The following TOP3A variants were observed in gnomAD, a reference collection of about 807,000 sequenced individuals.
TOP3A encodes the protein DNA topoisomerase 3-alpha.
TOP3A carries 64 observed loss-of-function variants against 111.3 expected under a neutral mutation model. That is an observed-to-expected ratio of 0.57 (90% CI 0.47 to 0.71). TOP3A has a LOEUF of 0.71. TOP3A is among the 30% of genes least tolerant of loss of function. TOP3A has a pLI of 0.00. For missense variants in TOP3A, 1,104 were observed against 1,285.0 expected, an observed-to-expected ratio of 0.86 and a Z score of 2.15; for synonymous variants, 484 against 485.1, an observed-to-expected ratio of 1.00 and a Z score of 0.03.
intron 13 of TOP3A, among the ~76,000 whole-genome samples, chr17:18,288,151 ATTTTTTTT>A (rs1295233051): frequency 1.6e-5 from 2 of 126,622 alleles, no homozygotes; most frequent in African/African-American, 6.1e-5. Flanking sequence ...ATATATATAA[ATTTTTTTT>A]TTTTTTTTTT....
chr17:18,274,484 G>A lies in TOP3A; in HGVS notation c.*318C>T, dbSNP rs1186813597. 2 of 206,046 alleles carry A rather than the reference G, an allele frequency of 9.7e-6. No homozygotes were observed. Among genetic ancestry groups the A allele is most frequent in the South Asian group, 1.5e-4 (1 of 6,538 alleles). 12.8% of individuals were successfully genotyped at this position (206,046 alleles called of 1,614,324 possible). The stretch of plus-strand genomic sequence containing the variant: ...GGAGCTTCTTCCTTTGGCACACAGT[G>A]GGCTTCAGCTGGGACTGCACCAATC... On this transcript the variant is annotated 3_prime_UTR_variant, in exon 19 of 19. Coordinates refer to ENST00000321105, the MANE Select transcript of TOP3A (RefSeq NM_004618.5).
intron 9 of TOP3A, among the ~76,000 whole-genome samples, chr17:18,295,583 T>C (rs1980746364): frequency 6.6e-6 from 1 of 151,778 alleles, no homozygotes; most frequent in Non-Finnish European, 1.5e-5. Flanking sequence ...TGCCTCAGCC[T>C]CCTGAGTAGC....
rs1324126395 is a variant in TOP3A at position 18,280,359 on chromosome 17, A to T, written c.2144+177T>A. 4.9e-6 allele frequency: 3 copies of T among 608,610 alleles called. No homozygotes were observed. The African/African-American group carries it at 5.6e-5, about 11-fold the overall frequency. 37.7% of individuals were successfully genotyped at this position (608,610 alleles called of 1,614,324 possible). A position where few individuals can be genotyped will look rare whatever the true frequency, so the allele number is the denominator to read the frequency against. ...GGGTCATACCTGCCAAAGCAGTGAC[A>T]GCATGGAACACAACAGAACTGGACC... is the stretch of plus-strand genomic sequence containing the variant. On this transcript the variant is annotated intron_variant, in intron 17 of 18. Transcript: ENST00000321105.
chr17:18,314,630 G>C lies in TOP3A; in HGVS notation c.149C>G (p.Ala50Gly), dbSNP rs551758837. The stretch of plus-strand genomic sequence containing the variant: ...CATGCGACCGTTTGACAGCAGGTCG[G>C]CGATCCCCTTGGCCGCGTCGTTTTT... ...AEKNDAAKGI[A>G]DLLSNGRMRR... is the part of the protein sequence containing the mutation. Residue 50 changes from alanine to glycine, a missense_variant, in exon 1 of 19, where the codon GCC (alanine) becomes GGC (glycine). By Grantham distance (60) the Ala-to-Gly change is moderately conservative. Coordinates refer to ENST00000321105, the MANE Select transcript of TOP3A (RefSeq NM_004618.5). 1.2e-6 allele frequency: 2 copies of C among 1,611,942 alleles called. No homozygotes were observed. Among genetic ancestry groups the C allele is most frequent in the South Asian group, 1.1e-5 (1 of 90,686 alleles).
rs190060732 is a variant in TOP3A at position 18,313,750 on chromosome 17, G to A, written c.180+849C>T. ...TGGAAACAGGTAAAGCTGTCAGCCA[G>A]CATTCACACAACCCTGGCTCCACTC... On this transcript the variant is annotated intron_variant, in intron 1 of 18. Transcript: ENST00000321105. Among the ~76,000 whole-genome samples the A allele has an allele frequency of 1.1e-3, 172 of 152,258 alleles. 1 individual carries two copies. The highest frequency in any genetic ancestry group is 1.6e-3 in the Non-Finnish European group (112 of 68,018).
chr17:18,293,989 C>T (rs1022941936), intron 10 of TOP3A, among the ~76,000 whole-genome samples: 5 of 152,320 alleles, frequency 3.3e-5, no homozygotes, highest in African/African-American at 7.2e-5. Flanking sequence ...ACATCTATAG[C>T]GCATCCCAAT....
intron 11 of TOP3A, among the ~76,000 whole-genome samples, chr17:18,291,331 C>A (rs562705860): frequency 6.6e-6 from 1 of 152,270 alleles, no homozygotes; most frequent in African/African-American, 2.4e-5. Context: ...AAGAAGTTAG[C>A]AAGACACTCC....
Position 18,308,625 on chromosome 17 carries a change from C to T in TOP3A, c.241-201G>A, listed in dbSNP as rs773780668. 43 of 489,564 alleles carry T rather than the reference C, an allele frequency of 8.8e-5. 1 individual carries two copies. The Middle Eastern group carries it at 1.6e-3, about 18-fold the overall frequency. 30.3% of individuals were successfully genotyped at this position (489,564 alleles called of 1,614,324 possible). A position where few individuals can be genotyped will look rare whatever the true frequency, so the allele number is the denominator to read the frequency against. On this transcript the variant is annotated intron_variant, in intron 2 of 18. Transcript: ENST00000321105. The stretch of plus-strand genomic sequence containing the variant: ...TTCTAATGATATGGTGTATAACTGA[C>T]GCCTCTTGCATCAGTTAAATTTTCC...
chr17:18,288,939 TCA>T (rs1980295137), intron 13 of TOP3A, among the ~76,000 whole-genome samples: 3 of 152,320 alleles, frequency 2.0e-5, no homozygotes, highest in Admixed American at 2.0e-4. Context: ...ACTTTGTACC[TCA>T]GTCTCTGCCT....
chr17:18,291,889 T>C (rs1175060907), intron 11 of TOP3A, among the ~76,000 whole-genome samples: 1 of 152,144 alleles, frequency 6.6e-6, no homozygotes. Flanking sequence ...AATTTTTCTA[T>C]TTCTAGTAGA....
At chr17:18,305,660 A>G (rs983943827) in intron 4 of TOP3A, among the ~76,000 whole-genome samples, 1 of 151,738 alleles carries the variant, frequency 6.6e-6, no homozygotes, top group South Asian at 2.1e-4. Context: ...AACACGGTGA[A>G]ACCCTGTCTC....
At chr17:18,305,251 G>C in intron 4 of TOP3A, 31 bp from the exon 5 acceptor site, 2 of 1,549,998 alleles carry the variant, frequency 1.3e-6, no homozygotes, top group Non-Finnish European at 1.8e-6. Flanking sequence ...AGAGTGGTGA[G>C]AACAGAATTG....
At chr17:18,297,317 T>C (rs529239585) in intron 9 of TOP3A, among the ~76,000 whole-genome samples, 1 of 152,230 alleles carries the variant, frequency 6.6e-6, no homozygotes, top group East Asian at 1.9e-4. Context: ...CCCAGCTACT[T>C]GGGAGGCTGA....
rs34041678 is a variant in TOP3A, at chr17:18,305,486, ACGCGCGCGCG to A, written c.391-276_391-267del. Among the ~76,000 whole-genome samples the A allele has an allele frequency of 1.2e-3, 181 of 149,516 alleles. 1 individual carries two copies. Among genetic ancestry groups the A allele is most frequent in the East Asian group, 5.0e-3 (25 of 5,022 alleles). ...TGAAATTCAGCTCTAACACACACAC[ACGCGCGCGCG>A]CGCGCGCGCACGCACACTTCGAGAG... On this transcript the variant is annotated intron_variant, in intron 4 of 18. Transcript: ENST00000321105.
chr17:18,313,447 G>T, intron 1 of TOP3A: 1 of 156,500 alleles, frequency 6.4e-6, no homozygotes, highest in South Asian at 1.8e-4. Context: ...GTGCCAGCCT[G>T]TTCCATTGAG....
intron 8 of TOP3A, 42 bp from the exon 9 acceptor site, chr17:18,299,675 G>GC: frequency 3.2e-6 from 5 of 1,560,808 alleles, no homozygotes; most frequent in Non-Finnish European, 4.4e-6. Context: ...ACCTGTTAGT[G>GC]CATCATCTCC....
intron 15 of TOP3A, among the ~76,000 whole-genome samples, chr17:18,284,167 T>C (rs937990151): frequency 4.8e-5 from 7 of 144,488 alleles, no homozygotes; most frequent in Admixed American, 2.9e-4. Flanking sequence ...GCCTGGCTAA[T>C]TTTTGTATTT....
At chr17:18,300,125 C>T (rs1298163660) in intron 8 of TOP3A, among the ~76,000 whole-genome samples, 1 of 152,130 alleles carries the variant, frequency 6.6e-6, no homozygotes, top group Non-Finnish European at 1.5e-5. Flanking sequence ...TTGCTGGGCA[C>T]AGTGGCTCAC....
chr17:18,279,263 AT>A (rs901764917), intron 17 of TOP3A, among the ~76,000 whole-genome samples: 61 of 149,572 alleles, frequency 4.1e-4, no homozygotes, highest in African/African-American at 1.2e-3. Flanking sequence ...AATTATTAAA[AT>A]TTTTTTTTTT....
Sources: gnomAD v4.1 joint callset for allele counts (sites outside exome capture counted in the v4.1 genomes callset) on GRCh38, gnomAD v4.1.1 for gene constraint, MANE v1.5 for transcripts, NCBI Gene and HGNC (gene_info 2026-07-23, HGNC 2026-07-21) for gene names.